The following PALLD variants were observed in gnomAD, a reference collection of about 807,000 sequenced individuals.
PALLD encodes palladin.
PALLD carries 61 observed loss-of-function variants against 123.5 expected under a neutral mutation model. The observed-to-expected ratio is 0.49, with a 90% CI of 0.40 to 0.61. The LOEUF is 0.61. Among genes scored for constraint, PALLD ranks in the 20% least tolerant of loss-of-function variants. PALLD has a pLI of 0.00. For missense variants in PALLD, 1,273 were observed against 1,377.0 expected (o/e 0.92, Z 1.20); for synonymous variants, 465 against 496.4 (o/e 0.94, Z 0.84).
chr4:168,520,867 G>A (rs1018208384), intron 2 of PALLD, among the ~76,000 whole-genome samples: 3 of 152,162 alleles, frequency 2.0e-5, no homozygotes, highest in Non-Finnish European at 2.9e-5. Flanking sequence ...GATATTCAAG[G>A]CAAAAGTGGA....
At chr4:168,746,380 CAA>C (rs747755592) in intron 10 of PALLD, among the ~76,000 whole-genome samples, 4 of 37,016 alleles carry the variant, frequency 1.1e-4, no homozygotes, top group Non-Finnish European at 1.1e-4. Flanking sequence ...GAACCCGTCT[CAA>C]AAAAAAAAAA....
intron 10 of PALLD, among the ~76,000 whole-genome samples, chr4:168,715,676 C>T (rs1319692507): frequency 5.3e-5 from 8 of 152,286 alleles, no homozygotes; most frequent in African/African-American, 1.4e-4. Flanking sequence ...TCAGCCAGGG[C>T]GCGGTGGCTC....
chr4:168,874,892 G>C (rs1209064963), intron 10 of PALLD, among the ~76,000 whole-genome samples: 1 of 152,020 alleles, frequency 6.6e-6, no homozygotes, highest in Non-Finnish European at 1.5e-5. Flanking sequence ...GTGGGGAATC[G>C]CTTAGATTTT....
At chr4:168,709,873 G>T (rs918454459) in intron 9 of PALLD, among the ~76,000 whole-genome samples, 1 of 152,004 alleles carries the variant, frequency 6.6e-6, no homozygotes, top group African/African-American at 2.4e-5. Context: ...TCTTGGAAAC[G>T]ATGGAGCTGG....
chr4:168,520,343 A>AGAGAG (rs1554034670), intron 2 of PALLD, among the ~76,000 whole-genome samples: 2 of 57,578 alleles, frequency 3.5e-5, no homozygotes, highest in South Asian at 5.1e-4. Context: ...AAAAAAAAAA[A>AGAGAG]AAAAAGAGAG....
At chr4:168,682,079 G>A (rs17054463) in intron 4 of PALLD, among the ~76,000 whole-genome samples, 18,332 of 152,052 alleles carry the variant, frequency 0.12, 1,367 homozygotes, top group African/African-American at 0.18. Context: ...CCAGAAGTAG[G>A]TTCTCCTTTG....
chr4:168,611,537 C>T (rs530333263), intron 2 of PALLD, among the ~76,000 whole-genome samples: 1 of 152,310 alleles, frequency 6.6e-6, no homozygotes, highest in African/African-American at 2.4e-5. Flanking sequence ...CGTATCAACT[C>T]TTCAATTTGA....
At chr4:168,728,207 A>G (rs1180211559) in intron 10 of PALLD, among the ~76,000 whole-genome samples, 3 of 152,200 alleles carry the variant, frequency 2.0e-5, no homozygotes, top group African/African-American at 7.2e-5. Context: ...TTGGTTCCAT[A>G]TGAATTTTAG....
intron 8 of PALLD, among the ~76,000 whole-genome samples, chr4:168,696,957 A>G (rs1261748944): frequency 2.6e-5 from 4 of 152,196 alleles, no homozygotes. Context: ...CCAGATGGAA[A>G]AATCCACTGA....
intron 15 of PALLD, among the ~76,000 whole-genome samples, chr4:168,907,840 GA>G (rs140317565): frequency 8.1e-5 from 12 of 147,564 alleles, no homozygotes; most frequent in Non-Finnish European, 1.4e-4. Context: ...ATCAAAAGGA[GA>G]AAAAAAAAAG....
chr4:168,725,591 A>C (rs1786489624), intron 10 of PALLD, among the ~76,000 whole-genome samples: 2 of 126,444 alleles, frequency 1.6e-5, no homozygotes, highest in Admixed American at 1.0e-4. Context: ...CAGTGGTGCG[A>C]TCTCTGCTCA....
Position 168,676,929 on chromosome 4 carries a change from A to G in PALLD, c.1088-4403A>G, listed in dbSNP as rs144984883. Among the ~76,000 whole-genome samples the G allele has an allele frequency of 8.9e-4, 135 of 151,578 alleles. No individual in the cohort carries two copies. The East Asian group carries it at 0.022, about 24-fold the overall frequency. ...GCACCTTTTAAAGTCAAGGCAGGAG[A>G]CTCATTTTTGTGACATTTCCACTGG... On this transcript the variant is annotated intron_variant, in intron 3 of 21. Coordinates refer to ENST00000505667, the MANE Select transcript of PALLD (RefSeq NM_001166108.2).
chr4:168,591,280 T>C (rs1208003461), intron 2 of PALLD, among the ~76,000 whole-genome samples: 1 of 152,214 alleles, frequency 6.6e-6, no homozygotes, highest in East Asian at 1.9e-4. Flanking sequence ...GTTAGAGAGA[T>C]GTCAGTAATA....
chr4:168,921,193 G>A (rs1045504856), intron 17 of PALLD, among the ~76,000 whole-genome samples: 2 of 151,906 alleles, frequency 1.3e-5, no homozygotes, highest in Non-Finnish European at 2.9e-5. Flanking sequence ...ATCACCTGAG[G>A]TCAGGAGTTC....
chr4:168,661,145 GA>G (rs990379378), intron 2 of PALLD, among the ~76,000 whole-genome samples: 1 of 152,106 alleles, frequency 6.6e-6, no homozygotes, highest in Non-Finnish European at 1.5e-5. Context: ...CTGACCTTGT[GA>G]TCTGCCCGCC....
At chr4:168,925,116 A>G in intron 20 of PALLD, 38 bp downstream of exon 20, 1 of 1,610,922 alleles carries the variant, frequency 6.2e-7, no homozygotes, top group East Asian at 2.2e-5. Context: ...GCGTTTACTC[A>G]TTAAATTATG....
At chr4:168,705,040 T>G (rs17054494) in intron 8 of PALLD, among the ~76,000 whole-genome samples, 26,844 of 150,718 alleles carry the variant, frequency 0.18, 2,996 homozygotes, top group East Asian at 0.33. Context: ...ATCTTATATT[T>G]CAAAAAATTT....
In PALLD at chr4:168,926,546, G is replaced by A. The variant is rs1762605064; in HGVS notation, c.*366G>A. 7 of 570,522 alleles carry A rather than the reference G, an allele frequency of 1.2e-5. No homozygotes were observed. The Admixed American group carries it at 1.6e-4, about 13-fold the overall frequency. 35.3% of individuals were successfully genotyped at this position (570,522 alleles called of 1,614,324 possible). On this transcript the variant is annotated 3_prime_UTR_variant, in exon 22 of 22. Coordinates refer to ENST00000505667, the MANE Select transcript of PALLD (RefSeq NM_001166108.2). ...TTTCTTACTTGATATACCAAACTTAGTTTAAGTAGATAATGCTAATACAAA... is the reference window on the plus strand; with the variant it reads ...TTTCTTACTTGATATACCAAACTTAATTTAAGTAGATAATGCTAATACAAA...
At chr4:168,738,161 A>G (rs1787945091) in intron 10 of PALLD, among the ~76,000 whole-genome samples, 1 of 152,212 alleles carries the variant, frequency 6.6e-6, no homozygotes, top group African/African-American at 2.4e-5. Flanking sequence ...AAAACCTGTT[A>G]TTAGTCAGGG....
Sources: gnomAD v4.1 joint callset for allele counts (sites outside exome capture counted in the v4.1 genomes callset) on GRCh38, gnomAD v4.1.1 for gene constraint, MANE v1.5 for transcripts, NCBI Gene and HGNC (gene_info 2026-07-23, HGNC 2026-07-21) for gene names.